Variants in PKHD1L1 observed in about 807,000 individuals in gnomAD.
PKHD1L1 encodes fibrocystin-L.
In PKHD1L1, 434 loss-of-function variants were observed where a neutral mutation model predicts 462.9. The ratio of observed to expected loss-of-function variants is 0.94; its 90% CI spans 0.87 to 1.02. The LOEUF is 1.02. PKHD1L1 is among the 50% of genes least tolerant of loss of function. The probability of loss-of-function intolerance (pLI) is 0.00; values close to 1 mark genes in which losing one functional copy is unlikely to be tolerated. For synonymous variants in PKHD1L1, 1,781 were observed against 1,750.0 expected, an observed-to-expected ratio of 1.02 and a Z score of -0.44; for missense variants, 5,202 against 5,096.1, an observed-to-expected ratio of 1.02 and a Z score of -0.63.
At chr8:109,382,886 G>T in intron 4 of PKHD1L1, among the ~76,000 whole-genome samples, 1 of 149,066 alleles carries the variant, frequency 6.7e-6, no homozygotes, top group African/African-American at 2.5e-5. Context: ...TATTTTAATC[G>T]AAGTAACTAC....
At chr8:109,401,693 T>A in intron 14 of PKHD1L1, 105 bp downstream of exon 14, 1 of 556,474 alleles carries the variant, frequency 1.8e-6, no homozygotes. Context: ...GTGATATTAG[T>A]TTATTGGTTT....
intron 8 of PKHD1L1, among the ~76,000 whole-genome samples, chr8:109,389,357 G>C (rs28491535): frequency 6.6e-6 from 1 of 151,858 alleles, no homozygotes; most frequent in African/African-American, 2.4e-5. Context: ...TTATATATAA[G>C]GTAAACTTCC....
intron 59 of PKHD1L1, among the ~76,000 whole-genome samples, chr8:109,489,597 C>T (rs962120288): frequency 6.6e-6 from 1 of 151,778 alleles, no homozygotes; most frequent in Non-Finnish European, 1.5e-5. Context: ...ATTCTCAATT[C>T]GAAAATATCA....
At chr8:109,421,369 T>A (rs951874168) in intron 23 of PKHD1L1, among the ~76,000 whole-genome samples, 1 of 151,960 alleles carries the variant, frequency 6.6e-6, no homozygotes, top group African/African-American at 2.4e-5. Flanking sequence ...TACTGAAAAA[T>A]TATAAAAACT....
chr8:109,396,108 CAG>C lies in PKHD1L1; in HGVS notation c.895_896del (p.Asp299PhefsTer10), dbSNP rs1812960846. 6.2e-7 allele frequency: 1 copy of C among 1,608,506 alleles called. No individual in the cohort carries two copies. Among genetic ancestry groups the C allele is most frequent in the African/African-American group, 1.3e-5 (1 of 74,752 alleles). On this transcript the variant is annotated frameshift_variant, in exon 11 of 78. Transcript: ENST00000378402. LOFTEE classifies it high-confidence loss of function. The stretch of plus-strand genomic sequence containing the variant: ...ATAAGTGGGCGTTTCTTTGATCAGA[CAG>C]ATTTCCCCGTCAGAGTTCTAGTTGG...
rs768210153 is a variant in PKHD1L1 at position 109,475,220 on chromosome 8, TG to T, written c.8710del (p.Asp2904IlefsTer3). 1 of 1,612,022 alleles carries T rather than the reference TG, an allele frequency of 6.2e-7. No homozygotes were observed. Among genetic ancestry groups the T allele is most frequent in the Non-Finnish European group, 8.5e-7 (1 of 1,178,730 alleles). ...ANHINWYFKG[V>X]DHITNISYTS... Reference sequence around the variant, plus strand: ...CACATTAACTGGTATTTTAAAGGTGTGGATCACATAACCAACATTTCATATA... The same window carrying T: ...CACATTAACTGGTATTTTAAAGGTGTGATCACATAACCAACATTTCATATA... On this transcript the variant is annotated frameshift_variant, in exon 51 of 78. Transcript: ENST00000378402. LOFTEE classifies it high-confidence loss of function.
At chr8:109,506,356 C>G (rs1026723919) in intron 68 of PKHD1L1, among the ~76,000 whole-genome samples, 4 of 152,168 alleles carry the variant, frequency 2.6e-5, no homozygotes, top group Admixed American at 6.6e-5. Context: ...TGTAAAATGA[C>G]TGACTGATTC....
In PKHD1L1 at chr8:109,443,743, C is replaced by G; in HGVS notation, c.4632C>G (p.Ser1544Arg). The change falls in exon 37 of 78, where the codon AGC becomes AGG. Residue 1544 changes from serine (S) to arginine (R), a missense_variant. By Grantham distance (110) the Ser-to-Arg change is moderately radical. Coordinates refer to ENST00000378402, the MANE Select transcript of PKHD1L1 (RefSeq NM_177531.6). The stretch of plus-strand genomic sequence containing the variant: ...GCCTAGCAACAGAACCCCTGTGCAG[C>G]CTGAACAATACCAGGGTTAAAAATT... ...AGCLATEPLCSLNNTRVKNSK... is the reference protein window; with the variant it reads ...AGCLATEPLCRLNNTRVKNSK... The G allele has an allele frequency of 6.2e-7, 1 of 1,613,770 alleles. No homozygotes were observed. Among genetic ancestry groups the G allele is most frequent in the African/African-American group, 1.3e-5 (1 of 75,034 alleles).
intron 47 of PKHD1L1, 98 bp from the exon 48 acceptor site, chr8:109,461,674 C>T (rs1817131812): frequency 3.1e-6 from 4 of 1,282,912 alleles, no homozygotes; most frequent in Non-Finnish European, 4.3e-6. Flanking sequence ...AGGTTGAGAT[C>T]ATATGTGAAT....
chr8:109,497,190 A>G lies in PKHD1L1; in HGVS notation c.10517A>G (p.Asp3506Gly), dbSNP rs1350586203. ...SVHIYNVTLV[D>G]NGMAIFPMIY... ...CACATTTATAATGTGACCCTGGTTG[A>G]CAATGGAATGGCCATTTTTCCAATG... Residue 3506 changes from aspartate to glycine, a missense_variant, in exon 65 of 78, where the codon GAC becomes GGC. Asp to Gly is a moderately conservative substitution (Grantham distance 94). This residue lies in a region of PKHD1L1 where 4,497 missense variants were observed against 4,336.8 expected (regional missense o/e 1.04). Coordinates refer to ENST00000378402, the MANE Select transcript of PKHD1L1 (RefSeq NM_177531.6). 1.4e-5 allele frequency: 23 copies of G among 1,613,770 alleles called. No individual in the cohort carries two copies. The highest frequency in any genetic ancestry group is 1.8e-5 in the Non-Finnish European group (21 of 1,179,806).
intron 35 of PKHD1L1, among the ~76,000 whole-genome samples, chr8:109,442,599 GT>G (rs1007414214): frequency 3.9e-5 from 6 of 152,006 alleles, no homozygotes; most frequent in Non-Finnish European, 8.8e-5. Context: ...TAGATTGTCT[GT>G]TTTGTTTTGT....
intron 2 of PKHD1L1, among the ~76,000 whole-genome samples, chr8:109,367,024 C>A (rs1216485329): frequency 1.3e-5 from 2 of 152,064 alleles, no homozygotes; most frequent in Non-Finnish European, 2.9e-5. Flanking sequence ...ATACTTATAT[C>A]CAAGCTCATA....
chr8:109,470,554 G>A, intron 50 of PKHD1L1: 1 of 1,608,758 alleles, frequency 6.2e-7, no homozygotes, highest in Non-Finnish European at 8.5e-7. Context: ...CTTTATTGCA[G>A]GAACTATTCA....
Position 109,451,864 on chromosome 8 carries a change from C to A in PKHD1L1, c.6351-260C>A, listed in dbSNP as rs906158644. ...TCAACATAGAATCACTGAACAACAA[C>A]AATCACTGTTTCTTTCCCCAACACT... On this transcript the variant is annotated intron_variant, in intron 41 of 77. Coordinates refer to ENST00000378402, the MANE Select transcript of PKHD1L1 (RefSeq NM_177531.6). Among the ~76,000 whole-genome samples, 7 of 152,142 alleles carry A rather than the reference C, an allele frequency of 4.6e-5. 1 individual carries two copies. The highest frequency in any genetic ancestry group is 7.4e-5 in the Non-Finnish European group (5 of 68,012).
chr8:109,474,846 A>T (rs1417981046), intron 50 of PKHD1L1, among the ~76,000 whole-genome samples: 1 of 152,158 alleles, frequency 6.6e-6, no homozygotes, highest in Non-Finnish European at 1.5e-5. Flanking sequence ...GCTCCATCTC[A>T]ATTCAAAATT....
intron 2 of PKHD1L1, among the ~76,000 whole-genome samples, chr8:109,372,513 T>A (rs1375023821): frequency 6.6e-6 from 1 of 152,204 alleles, no homozygotes. Context: ...TCCTGCCTGG[T>A]TGCCCTGGCC....
chr8:109,425,294 G>T, intron 24 of PKHD1L1, 62 bp downstream of exon 24: 4 of 1,309,458 alleles, frequency 3.1e-6, no homozygotes. Flanking sequence ...ACCTTATAAA[G>T]TGTTAAATTT....
chr8:109,403,854 G>A (rs942740770), intron 14 of PKHD1L1, among the ~76,000 whole-genome samples: 38 of 152,168 alleles, frequency 2.5e-4, no homozygotes, highest in African/African-American at 9.2e-4. Context: ...AAAGATGTGA[G>A]CAATGGTGAC....
chr8:109,498,591 T>G lies in PKHD1L1; in HGVS notation c.10711+18T>G. ...TCCATCAGGTGAAAAATTTGAAACT[T>G]TAATGTTGTTGTTCATATGAGTGCA... On this transcript the variant is annotated intron_variant, in intron 66 of 77. Coordinates refer to ENST00000378402, the MANE Select transcript of PKHD1L1 (RefSeq NM_177531.6). 1 of 1,610,390 alleles carries G rather than the reference T, an allele frequency of 6.2e-7. No homozygotes were observed.
Sources: allele counts gnomAD v4.1 joint callset (sites outside exome capture counted in the v4.1 genomes callset), GRCh38; gene constraint gnomAD v4.1.1; regional missense constraint gnomAD v4.1.1; transcripts MANE v1.5; gene names NCBI Gene and HGNC (gene_info 2026-07-23, HGNC 2026-07-21).